FAM168B: variants seen among roughly 807,000 people sequenced by gnomAD.
FAM168B encodes the protein family with sequence similarity 168 member B.
FAM168B carries 19 observed loss-of-function variants against 21.8 expected under a neutral mutation model. The ratio of observed to expected loss-of-function variants is 0.87; its 90% CI spans 0.61 to 1.28. FAM168B has a LOEUF of 1.28. Ranked by LOEUF, FAM168B falls within the 50% of genes most tolerant of loss-of-function variation. The pLI is 0.00. For missense variants in FAM168B, 233 were observed against 263.1 expected, an observed-to-expected ratio of 0.89 and a Z score of 0.79; for synonymous variants, 126 against 104.8, an observed-to-expected ratio of 1.20 and a Z score of -1.24.
At chr2:131,088,401 A>G (rs935010279) in intron 1 of FAM168B, among the ~76,000 whole-genome samples, 2 of 149,832 alleles carry the variant, frequency 1.3e-5, no homozygotes, top group Non-Finnish European at 3.0e-5. Flanking sequence ...TTTCTTCAAT[A>G]AGGCAATGGT....
chr2:131,088,244 TG>T (rs1390610302), intron 1 of FAM168B, among the ~76,000 whole-genome samples: 7 of 129,720 alleles, frequency 5.4e-5, no homozygotes, highest in Admixed American at 4.1e-4. Context: ...AGACTCTGTC[TG>T]GGGGGAAAAA....
intron 1 of FAM168B, among the ~76,000 whole-genome samples, chr2:131,090,956 A>T (rs1405533431): frequency 6.6e-6 from 1 of 152,056 alleles, no homozygotes; most frequent in Non-Finnish European, 1.5e-5. Context: ...GGTTTTGATC[A>T]CCTGACCTCG....
chr2:131,066,339 C>A (rs1225666147), intron 3 of FAM168B, among the ~76,000 whole-genome samples: 2 of 151,990 alleles, frequency 1.3e-5, no homozygotes, highest in African/African-American at 2.4e-5. Context: ...CCACACCCGG[C>A]TAATTTTCTG....
intron 2 of FAM168B, among the ~76,000 whole-genome samples, chr2:131,079,205 C>T (rs1444326471): frequency 6.6e-6 from 1 of 152,124 alleles, no homozygotes; most frequent in Non-Finnish European, 1.5e-5. Flanking sequence ...GGGCCGGGCA[C>T]GGTGGCTCAG....
At chr2:131,087,823 T>C (rs1322812698) in intron 1 of FAM168B, among the ~76,000 whole-genome samples, 6 of 152,190 alleles carry the variant, frequency 3.9e-5, no homozygotes, top group Admixed American at 3.9e-4. Context: ...ACACCTACAG[T>C]TGGACATGAA....
intron 2 of FAM168B, among the ~76,000 whole-genome samples, chr2:131,079,238 G>A (rs565915336): frequency 6.6e-6 from 1 of 152,256 alleles, no homozygotes; most frequent in South Asian, 2.1e-4. Flanking sequence ...AGCACTTTGG[G>A]AGGCCAATCA....
intron 2 of FAM168B, among the ~76,000 whole-genome samples, chr2:131,074,390 G>C (rs1573794777): frequency 6.6e-6 from 1 of 152,234 alleles, no homozygotes; most frequent in Non-Finnish European, 1.5e-5. Flanking sequence ...GCCTCCCAAA[G>C]TGCTGGGATT....
In FAM168B at chr2:131,074,379, G is replaced by A. The variant is rs150979075; in HGVS notation, c.71-2441C>T. On this transcript the variant is annotated intron_variant, in intron 2 of 6. Transcript: ENST00000389915. ...CCTGACCTCATAATCCGCCCTCCTC[G>A]GCCTCCCAAAGTGCTGGGATTACAG... Among the ~76,000 whole-genome samples the A allele has an allele frequency of 5.6e-3, 850 of 152,124 alleles. 6 individuals are homozygous for A. Among genetic ancestry groups the A allele is most frequent in the African/African-American group, 0.019 (780 of 41,500 alleles).
intron 1 of FAM168B, among the ~76,000 whole-genome samples, chr2:131,090,179 G>A (rs1693935738): frequency 1.4e-5 from 2 of 144,408 alleles, no homozygotes; most frequent in East Asian, 4.0e-4. Flanking sequence ...AAATTATCCA[G>A]GCACGGTGGC....
intron 5 of FAM168B, 131 bp from the exon 6 acceptor site, chr2:131,053,146 A>T: frequency 7.8e-7 from 1 of 1,287,010 alleles, no homozygotes; most frequent in Non-Finnish European, 1.0e-6. Flanking sequence ...TGACCCAGAT[A>T]CTGTCAGAAC....
intron 2 of FAM168B, among the ~76,000 whole-genome samples, chr2:131,073,714 C>A (rs1692995472): frequency 6.6e-6 from 1 of 152,146 alleles, no homozygotes; most frequent in African/African-American, 2.4e-5. Flanking sequence ...TGTTCATTAT[C>A]CAGCTTGATA....
chr2:131,083,943 C>T (rs539180463), intron 1 of FAM168B, among the ~76,000 whole-genome samples: 143 of 152,066 alleles, frequency 9.4e-4, no homozygotes, highest in African/African-American at 3.0e-3. Flanking sequence ...CTCGCTCTGT[C>T]GCTAGGCTGG....
intron 1 of FAM168B, among the ~76,000 whole-genome samples, chr2:131,085,210 C>G (rs1307880615): frequency 6.6e-6 from 1 of 152,092 alleles, no homozygotes; most frequent in Admixed American, 6.6e-5. Flanking sequence ...TGCCTGTATT[C>G]CCAGCACTGT....
intron 1 of FAM168B, among the ~76,000 whole-genome samples, chr2:131,090,821 C>T (rs972955956): frequency 2.0e-5 from 3 of 152,240 alleles, no homozygotes; most frequent in South Asian, 2.1e-4. Flanking sequence ...CTCCACCTCC[C>T]GGGTTCACAC....
intron 1 of FAM168B, among the ~76,000 whole-genome samples, chr2:131,089,168 G>A (rs531966722): frequency 5.9e-5 from 9 of 151,874 alleles, no homozygotes; most frequent in Non-Finnish European, 1.2e-4. Flanking sequence ...GTTTCTCCAC[G>A]TTGGTCAGGT....
chr2:131,062,407 G>A (rs1244785122), intron 3 of FAM168B, among the ~76,000 whole-genome samples: 1 of 152,148 alleles, frequency 6.6e-6, no homozygotes, highest in Non-Finnish European at 1.5e-5. Context: ...AGAAATCCCT[G>A]CAGCTAGCCC....
chr2:131,069,971 G>A (rs1055139273), intron 3 of FAM168B, among the ~76,000 whole-genome samples: 2 of 151,650 alleles, frequency 1.3e-5, no homozygotes, highest in African/African-American at 4.8e-5. Context: ...TGATTCTCCT[G>A]CCTCAGCCTC....
intron 3 of FAM168B, among the ~76,000 whole-genome samples, chr2:131,066,161 C>CTTTTTTTTTT (rs762218220): frequency 7.2e-6 from 1 of 138,368 alleles, no homozygotes; most frequent in Non-Finnish European, 1.6e-5. Flanking sequence ...ACATTTGTAT[C>CTTTTTTTTTT]TTTTTTTTTT....
intron 3 of FAM168B, among the ~76,000 whole-genome samples, chr2:131,060,883 G>A (rs987055559): frequency 1.3e-5 from 2 of 151,574 alleles, no homozygotes; most frequent in South Asian, 2.1e-4. Context: ...ACGGAGTCTC[G>A]CTCAGTTGCC....
Sources: allele counts gnomAD v4.1 joint callset (sites outside exome capture counted in the v4.1 genomes callset), GRCh38; gene constraint gnomAD v4.1.1; transcripts MANE v1.5; gene names NCBI Gene and HGNC (gene_info 2026-07-23, HGNC 2026-07-21).